The following AOAH variants were observed in gnomAD, a reference collection of about 807,000 sequenced individuals.
AOAH encodes the protein acyloxyacyl hydrolase (neutrophil).
AOAH carries 64 observed loss-of-function variants against 92.2 expected under a neutral mutation model. That is an observed-to-expected ratio of 0.69 (90% CI 0.57 to 0.86). The LOEUF (loss-of-function observed/expected upper bound fraction) is 0.86, where lower values mean the gene tolerates loss of function less well. Ranked by LOEUF, AOAH falls within the 40% of genes least tolerant of loss-of-function variation. The probability of loss-of-function intolerance (pLI) is 0.00; values close to 1 mark genes in which losing one functional copy is unlikely to be tolerated. For missense variants in AOAH, 656 were observed against 694.6 expected, an observed-to-expected ratio of 0.94 and a Z score of 0.62; for synonymous variants, 263 against 254.5, an observed-to-expected ratio of 1.03 and a Z score of -0.32.
rs1355531853 is a variant in AOAH at position 36,543,943 on chromosome 7, CTTTCTTT to C, written c.1134-3459_1134-3453del. 7.2e-5 allele frequency among the ~76,000 whole-genome samples: 6 copies of C among 82,800 alleles called. No homozygotes were observed. The East Asian group carries it at 1.7e-3, about 23-fold the overall frequency. 54.3% of individuals were successfully genotyped at this position (82,800 alleles called of 152,430 possible). A position where few individuals can be genotyped will look rare whatever the true frequency, so the allele number is the denominator to read the frequency against. The stretch of plus-strand genomic sequence containing the variant: ...TTTTCTTTTTCTTTTTTCTTTCTTT[CTTTCTTT>C]TTTTTTTTTTTTTTTGAGATGGAGT... On this transcript the variant is annotated intron_variant, in intron 15 of 20. Coordinates refer to ENST00000617537, the MANE Select transcript of AOAH (RefSeq NM_001637.4).
At chr7:36,690,258 C>T (rs925084463) in intron 1 of AOAH, 19 of 433,560 alleles carry the variant, frequency 4.4e-5, no homozygotes, top group Non-Finnish European at 6.9e-5. Flanking sequence ...TGAGTCTTAC[C>T]GCTATCGTCA....
At chr7:36,715,854 C>T (rs923035931) in intron 1 of AOAH, among the ~76,000 whole-genome samples, 3 of 152,054 alleles carry the variant, frequency 2.0e-5, no homozygotes, top group Non-Finnish European at 4.4e-5. Flanking sequence ...AAATGTTAGA[C>T]CTAAAACCAT....
At chr7:36,550,520 A>C (rs1431198237) in intron 13 of AOAH, among the ~76,000 whole-genome samples, 1 of 152,200 alleles carries the variant, frequency 6.6e-6, no homozygotes, top group Non-Finnish European at 1.5e-5. Flanking sequence ...TGGCTTGCCC[A>C]AAGCCACACA....
At chr7:36,564,194 T>C (rs1787507701) in intron 13 of AOAH, among the ~76,000 whole-genome samples, 1 of 152,202 alleles carries the variant, frequency 6.6e-6, no homozygotes, top group Admixed American at 6.5e-5. Flanking sequence ...TTCCTATTTA[T>C]TTCTTCAGGG....
chr7:36,658,801 C>T (rs769783589), intron 4 of AOAH, among the ~76,000 whole-genome samples: 2 of 152,192 alleles, frequency 1.3e-5, no homozygotes, highest in Non-Finnish European at 2.9e-5. Context: ...TTTCAGTGCT[C>T]ATGGCAGGAA....
At chr7:36,699,319 T>C (rs1199395068) in intron 1 of AOAH, among the ~76,000 whole-genome samples, 4 of 152,106 alleles carry the variant, frequency 2.6e-5, no homozygotes, top group Non-Finnish European at 5.9e-5. Flanking sequence ...CCAATATAAA[T>C]ACAGCAGTGG....
At chr7:36,587,741 ATTTTC>A (rs960716197) in intron 12 of AOAH, among the ~76,000 whole-genome samples, 3 of 152,166 alleles carry the variant, frequency 2.0e-5, no homozygotes, top group African/African-American at 7.2e-5. Context: ...AAATTCAAAT[ATTTTC>A]TTTGAAAGCT....
At chr7:36,710,223 C>T (rs1798673977) in intron 1 of AOAH, among the ~76,000 whole-genome samples, 1 of 152,158 alleles carries the variant, frequency 6.6e-6, no homozygotes, top group Non-Finnish European at 1.5e-5. Context: ...TAATTAAGGA[C>T]TCCAATCAGT....
chr7:36,715,495 A>C (rs1225256059), intron 1 of AOAH, among the ~76,000 whole-genome samples: 1 of 148,806 alleles, frequency 6.7e-6, no homozygotes, highest in Non-Finnish European at 1.5e-5. Flanking sequence ...ATATGGAACC[A>C]AAAAAGAGCC....
At chr7:36,632,380 C>T (rs1336254777) in intron 5 of AOAH, among the ~76,000 whole-genome samples, 2 of 152,328 alleles carry the variant, frequency 1.3e-5, no homozygotes, top group African/African-American at 4.8e-5. Flanking sequence ...TCACTCTCCA[C>T]CTTGTTCCAG....
rs367849069 is a variant in AOAH, at chr7:36,608,909, GA to G, written c.846+7470del. ...TAATATTAGGAGCTGTTGCGGCGGG[GA>G]GGGGGGGGGGTCTGGTACAAAGAGA... On this transcript the variant is annotated intron_variant, in intron 11 of 20. Transcript: ENST00000617537. 5.0e-3 allele frequency among the ~76,000 whole-genome samples: 541 copies of G among 108,666 alleles called. 2 individuals carry two copies. The highest frequency in any genetic ancestry group is 0.012 in the Middle Eastern group (3 of 250). The allele number at this position is 108,666 out of a possible 152,430, so 71.3% of individuals were successfully genotyped here.
intron 3 of AOAH, among the ~76,000 whole-genome samples, chr7:36,671,300 C>A (rs1325256448): frequency 6.6e-6 from 1 of 152,122 alleles, no homozygotes; most frequent in Non-Finnish European, 1.5e-5. Context: ...CCTGGAGATA[C>A]AAAGCTCTCT....
intron 1 of AOAH, among the ~76,000 whole-genome samples, chr7:36,714,924 G>A (rs1004686842): frequency 6.6e-6 from 1 of 152,150 alleles, no homozygotes; most frequent in African/African-American, 2.4e-5. Context: ...GCATAAGACA[G>A]GGATGCCCTC....
intron 12 of AOAH, among the ~76,000 whole-genome samples, chr7:36,585,449 A>C (rs1422814784): frequency 6.6e-6 from 1 of 152,224 alleles, no homozygotes; most frequent in Non-Finnish European, 1.5e-5. Flanking sequence ...TGGAGGCCTT[A>C]TTAAAATTAA....
intron 15 of AOAH, among the ~76,000 whole-genome samples, chr7:36,547,582 C>A (rs974051505): frequency 6.6e-6 from 1 of 152,112 alleles, no homozygotes; most frequent in East Asian, 1.9e-4. Flanking sequence ...AAATCGTGAA[C>A]CTCGTTTGGC....
intron 11 of AOAH, among the ~76,000 whole-genome samples, chr7:36,608,867 A>G (rs1791189763): frequency 7.2e-6 from 1 of 139,546 alleles, no homozygotes; most frequent in Non-Finnish European, 1.5e-5. Context: ...AATAAATTAT[A>G]TGCTCACCAT....
intron 13 of AOAH, among the ~76,000 whole-genome samples, chr7:36,558,415 T>C (rs1786965030): frequency 1.3e-5 from 2 of 152,210 alleles, no homozygotes. Flanking sequence ...GCCTCCCAGT[T>C]AGGCTGCTCG....
intron 2 of AOAH, among the ~76,000 whole-genome samples, chr7:36,682,719 C>T (rs1157624137): frequency 6.6e-6 from 1 of 151,460 alleles, no homozygotes; most frequent in South Asian, 2.1e-4. Context: ...GAAGTCTAAA[C>T]TAGAATGAAT....
At chr7:36,526,350 C>A (rs1203965215) in intron 19 of AOAH, among the ~76,000 whole-genome samples, 1 of 152,190 alleles carries the variant, frequency 6.6e-6, no homozygotes, top group South Asian at 2.1e-4. Context: ...CTTAAGGGAG[C>A]TTCAGTAACT....
Sources: allele counts gnomAD v4.1 joint callset (sites outside exome capture counted in the v4.1 genomes callset), GRCh38; gene constraint gnomAD v4.1.1; transcripts MANE v1.5; gene names NCBI Gene and HGNC (gene_info 2026-07-23, HGNC 2026-07-21).